The following SDK1 variants were observed in gnomAD, a reference collection of about 807,000 sequenced individuals.
The protein encoded by SDK1 is protein sidekick-1.
Under a neutral mutation model 245.5 loss-of-function variants are expected in SDK1, and 157 were observed. That is an observed-to-expected ratio of 0.64 (90% CI 0.56 to 0.73). The LOEUF is 0.73. Among genes scored for constraint, SDK1 ranks in the 30% least tolerant of loss-of-function variants. The pLI is 0.00. For synonymous variants in SDK1, 1,647 were observed against 1,278.5 expected (o/e 1.29, Z -6.15); for missense variants, 3,583 against 3,002.3 (o/e 1.19, Z -4.52).
At chr7:3,993,541 A>G (rs1325189776) in intron 14 of SDK1, among the ~76,000 whole-genome samples, 1 of 152,210 alleles carries the variant, frequency 6.6e-6, no homozygotes, top group Non-Finnish European at 1.5e-5. Flanking sequence ...ATTAAAATGT[A>G]AAATACATTT....
chr7:3,366,756 A>T (rs4613886), intron 1 of SDK1, among the ~76,000 whole-genome samples: 107,669 of 151,788 alleles, frequency 0.71, 38,285 homozygotes, highest in South Asian at 0.84. Context: ...TTATTTATTT[A>T]TTTTGAGACA....
intron 1 of SDK1, among the ~76,000 whole-genome samples, chr7:3,488,198 C>T (rs1377686200): frequency 6.6e-6 from 1 of 152,088 alleles, no homozygotes; most frequent in Non-Finnish European, 1.5e-5. Context: ...GCCTCCCGTT[C>T]CCTCTGCCAC....
At chr7:3,793,287 T>C (rs1260170672) in intron 4 of SDK1, among the ~76,000 whole-genome samples, 1 of 152,216 alleles carries the variant, frequency 6.6e-6, no homozygotes, top group African/African-American at 2.4e-5. Flanking sequence ...CAGCTTTAAA[T>C]CTTGTCTTCC....
chr7:4,046,820 A>ATTT (rs36034512), intron 17 of SDK1, among the ~76,000 whole-genome samples: 9 of 147,718 alleles, frequency 6.1e-5, no homozygotes, highest in Admixed American at 1.4e-4. Context: ...TCTAGCTGTG[A>ATTT]TTTTTTTTTT....
intron 1 of SDK1, among the ~76,000 whole-genome samples, chr7:3,580,260 C>A (rs1583189657): frequency 6.6e-6 from 1 of 152,142 alleles, no homozygotes; most frequent in African/African-American, 2.4e-5. Flanking sequence ...TCAAACTACC[C>A]ATAACATTCT....
chr7:4,209,201 C>T (rs1784390345), intron 37 of SDK1, among the ~76,000 whole-genome samples: 1 of 152,194 alleles, frequency 6.6e-6, no homozygotes, highest in African/African-American at 2.4e-5. Context: ...GATCTGTAGG[C>T]AGAGATGAGG....
At chr7:3,933,123 CTT>C (rs11364780) in intron 5 of SDK1, among the ~76,000 whole-genome samples, 1,208 of 83,192 alleles carry the variant, frequency 0.015, 8 homozygotes, top group East Asian at 0.04. Context: ...GCTCCTGGAT[CTT>C]TTTTTTTTTT....
intron 1 of SDK1, among the ~76,000 whole-genome samples, chr7:3,439,100 G>T (rs1387156058): frequency 6.6e-6 from 1 of 152,078 alleles, no homozygotes; most frequent in Non-Finnish European, 1.5e-5. Context: ...TGATCAGCCT[G>T]CCTCAGCCTC....
In SDK1 at chr7:3,431,844, A is replaced by G. The variant is rs1471522838; in HGVS notation, c.298+129960A>G. Among the ~76,000 whole-genome samples the G allele has an allele frequency of 5.9e-5, 9 of 151,718 alleles. No homozygotes were observed. The East Asian group carries it at 1.5e-3, about 26-fold the overall frequency. On this transcript the variant is annotated intron_variant, in intron 1 of 44. Coordinates refer to ENST00000404826, the MANE Select transcript of SDK1 (RefSeq NM_152744.4). ...ATATGTGAGCAAACTGAATAATTAG[A>G]TCTCACATAAATCAGGAGTGATTTT...
At chr7:3,789,467 T>C (rs1340878456) in intron 4 of SDK1, among the ~76,000 whole-genome samples, 5 of 152,226 alleles carry the variant, frequency 3.3e-5, no homozygotes, top group Admixed American at 2.0e-4. Flanking sequence ...TTTTCTACTT[T>C]ACAGGTATAA....
rs1441641179 is a variant in SDK1 at position 3,767,512 on chromosome 7, T to TAA, written c.714-53938_714-53937insAA. On this transcript the variant is annotated intron_variant, in intron 4 of 44. Transcript: ENST00000404826. ...TGTAATTGCTTATTTTAACACAAAATGAAATTCATGATAGCTAACACTTAC... is the reference window on the plus strand; with the variant it reads ...TGTAATTGCTTATTTTAACACAAAATAAGAAATTCATGATAGCTAACACTTAC... 3.7e-3 allele frequency among the ~76,000 whole-genome samples: 565 copies of TAA among 152,318 alleles called. 2 individuals are homozygous for TAA. The highest frequency in any genetic ancestry group is 6.8e-3 in the Middle Eastern group (2 of 294).
intron 4 of SDK1, among the ~76,000 whole-genome samples, chr7:3,729,150 G>A (rs1296634403): frequency 6.6e-6 from 1 of 152,054 alleles, no homozygotes. Context: ...AAACTTTTTA[G>A]GATATTAATA....
intron 4 of SDK1, among the ~76,000 whole-genome samples, chr7:3,689,345 C>T (rs891355374): frequency 6.6e-6 from 1 of 152,086 alleles, no homozygotes; most frequent in Non-Finnish European, 1.5e-5. Flanking sequence ...GGATTGTGTG[C>T]AGTTGTTTCT....
chr7:3,574,531 T>C (rs1037511520), intron 1 of SDK1, among the ~76,000 whole-genome samples: 2 of 152,036 alleles, frequency 1.3e-5, no homozygotes, highest in Admixed American at 1.3e-4. Flanking sequence ...CTGAAGTATA[T>C]GAATGCGGGA....
intron 1 of SDK1, among the ~76,000 whole-genome samples, chr7:3,358,491 C>T (rs184520731): frequency 1.1e-3 from 169 of 151,484 alleles, no homozygotes; most frequent in African/African-American, 3.9e-3. Context: ...TACTGCTCCT[C>T]GCAGAGCAGG....
intron 4 of SDK1, among the ~76,000 whole-genome samples, chr7:3,702,601 A>G (rs928339011): frequency 2.2e-4 from 33 of 152,342 alleles, no homozygotes; most frequent in African/African-American, 7.0e-4. Context: ...TGACTCCAGC[A>G]CAGAGGCTGT....
intron 28 of SDK1, among the ~76,000 whole-genome samples, chr7:4,144,171 C>T (rs1375253871): frequency 2.0e-5 from 3 of 152,112 alleles, no homozygotes; most frequent in Non-Finnish European, 4.4e-5. Context: ...AAAGAGCTGG[C>T]CGCCGTCTCT....
intron 4 of SDK1, among the ~76,000 whole-genome samples, chr7:3,813,487 A>T (rs963775679): frequency 8.4e-4 from 119 of 142,046 alleles, no homozygotes; most frequent in Non-Finnish European, 2.3e-4. Context: ...TATATGTGCC[A>T]CATTTTCTTA....
Position 3,378,242 on chromosome 7 carries a change from A to G in SDK1, c.298+76358A>G, listed in dbSNP as rs183663429. Among the ~76,000 whole-genome samples the G allele has an allele frequency of 3.7e-4, 57 of 152,176 alleles. No individual in the cohort carries two copies. The East Asian group carries it at 5.2e-3, about 14-fold the overall frequency. On this transcript the variant is annotated intron_variant, in intron 1 of 44. Transcript: ENST00000404826. ...GAGTCCCTCATAGTTTTGGTCTCAC[A>G]TATTTTGTGTTTTCTAGGCATTCCA...
Sources: allele counts gnomAD v4.1 joint callset (sites outside exome capture counted in the v4.1 genomes callset), GRCh38; gene constraint gnomAD v4.1.1; transcripts MANE v1.5; gene names NCBI Gene and HGNC (gene_info 2026-07-23, HGNC 2026-07-21).